TENM4: variants seen among roughly 807,000 people sequenced by gnomAD.
The protein encoded by TENM4 is teneurin transmembrane protein 4, also known as teneurin-4.
A neutral mutation model predicts 243.3 loss-of-function variants in TENM4; 82 were observed. The ratio of observed to expected loss-of-function variants is 0.34; its 90% CI spans 0.28 to 0.40. The LOEUF (loss-of-function observed/expected upper bound fraction) is 0.40. Ranked by LOEUF, TENM4 falls within the 10% of genes least tolerant of loss-of-function variation. The probability of loss-of-function intolerance (pLI) is 1.00; values close to 1 mark genes in which losing one functional copy is unlikely to be tolerated. For synonymous variants in TENM4, 1,412 were observed against 1,456.3 expected (o/e 0.97, Z 0.69); for missense variants, 3,138 against 3,673.3 (o/e 0.85, Z 3.77).
intron 2 of TENM4, among the ~76,000 whole-genome samples, chr11:79,230,087 G>T (rs564891757): frequency 6.7e-6 from 1 of 148,876 alleles, no homozygotes; most frequent in African/African-American, 2.5e-5. Flanking sequence ...GCATGTATCT[G>T]TTTCTTCAGG....
intron 1 of TENM4, among the ~76,000 whole-genome samples, chr11:79,430,828 T>C (rs982708903): frequency 2.0e-5 from 3 of 152,198 alleles, no homozygotes; most frequent in African/African-American, 7.2e-5. Context: ...CAGAATCACC[T>C]ACTACATGTA....
chr11:79,102,725 T>C (rs928167413), intron 4 of TENM4, among the ~76,000 whole-genome samples: 41 of 152,374 alleles, frequency 2.7e-4, no homozygotes, highest in African/African-American at 7.7e-4. Flanking sequence ...AAGGACTTTC[T>C]GTCACAATAC....
Position 78,669,053 on chromosome 11 carries a change from G to A in TENM4, c.7292C>T (p.Pro2431Leu), listed in dbSNP as rs768145085. Residue 2431 changes from proline to leucine, a missense_variant, in exon 32 of 34, where the codon CCA (proline) becomes CTA (leucine). Pro to Leu is a moderately conservative substitution (Grantham distance 98). Coordinates refer to ENST00000278550, the MANE Select transcript of TENM4 (RefSeq NM_001098816.3). This position sits in a 1 kb window ranked among gnomAD's most constrained non-coding sequence, Gnocchi z 6.4. ...AAGGTGCTTCCACAGCTCGTGGTCT[G>A]GGCTAGTCCAGCGTCCGGCCAGCAC... ...YDVLAGRWTS[P>L]DHELWKHLSS... 6.2e-7 allele frequency: 1 copy of A among 1,613,926 alleles called. No homozygotes were observed. Among genetic ancestry groups the A allele is most frequent in the Non-Finnish European group, 8.5e-7 (1 of 1,179,880 alleles).
intron 12 of TENM4, among the ~76,000 whole-genome samples, chr11:78,835,089 C>T (rs1858072146): frequency 6.6e-6 from 1 of 152,132 alleles, no homozygotes; most frequent in Admixed American, 6.5e-5. Flanking sequence ...TAAATCATTA[C>T]TCTTATTATA....
intron 12 of TENM4, among the ~76,000 whole-genome samples, chr11:78,833,118 G>A (rs546916030): frequency 2.7e-4 from 41 of 150,034 alleles, no homozygotes; most frequent in Non-Finnish European, 4.9e-4. Flanking sequence ...CTTGACCTCT[G>A]TAGCATTAAA....
At chr11:78,737,260 C>G (rs182167884) in intron 20 of TENM4, among the ~76,000 whole-genome samples, 1 of 152,300 alleles carries the variant, frequency 6.6e-6, no homozygotes, top group East Asian at 1.9e-4. Flanking sequence ...GAGGGCCTTC[C>G]TGGGTGGGAA....
rs375335067 is a variant in TENM4 at position 79,196,235 on chromosome 11, CT to C, written c.-163+19572del. 2.0e-3 allele frequency among the ~76,000 whole-genome samples: 309 copies of C among 152,228 alleles called. 1 individual carries two copies. The highest frequency in any genetic ancestry group is 7.1e-3 in the African/African-American group (294 of 41,538). ...TAATGCAAGAGGGCATCTCGCAAGC[CT>C]GGACTGAGGGGAGATAGCACCAACC... is the stretch of plus-strand genomic sequence containing the variant. On this transcript the variant is annotated intron_variant, in intron 3 of 33. Transcript: ENST00000278550.
At chr11:78,972,434 T>C (rs77747333) in intron 6 of TENM4, among the ~76,000 whole-genome samples, 355 of 152,262 alleles carry the variant, frequency 2.3e-3, no homozygotes, top group African/African-American at 8.3e-3. Flanking sequence ...ATTTGATCTC[T>C]AGCTTTCCTC....
At chr11:79,216,094 T>C (rs943563398) in intron 2 of TENM4, among the ~76,000 whole-genome samples, 185 bp from the exon 3 acceptor site, 1 of 152,210 alleles carries the variant, frequency 6.6e-6, no homozygotes, top group Non-Finnish European at 1.5e-5. Context: ...CCCACACAGA[T>C]GGTTCCTCTA....
chr11:79,193,620 C>G (rs1424068335), intron 3 of TENM4, among the ~76,000 whole-genome samples: 2 of 152,192 alleles, frequency 1.3e-5, no homozygotes, highest in East Asian at 1.9e-4. Flanking sequence ...ACATCTGATC[C>G]TACAAGTGTC....
chr11:78,905,300 T>C (rs1856037758), intron 6 of TENM4, among the ~76,000 whole-genome samples: 1 of 152,140 alleles, frequency 6.6e-6, no homozygotes, highest in Non-Finnish European at 1.5e-5. Context: ...ACCATTAGTG[T>C]TATGGATTTT....
chr11:79,437,978 A>T (rs544821786), intron 1 of TENM4, among the ~76,000 whole-genome samples: 1 of 152,310 alleles, frequency 6.6e-6, no homozygotes, highest in East Asian at 1.9e-4. Flanking sequence ...GGATCATGGC[A>T]GCGGCAGGAA....
intron 3 of TENM4, among the ~76,000 whole-genome samples, chr11:79,151,868 C>T (rs1204257862): frequency 6.6e-6 from 1 of 152,086 alleles, no homozygotes; most frequent in African/African-American, 2.4e-5. Flanking sequence ...GCTTTATCTC[C>T]ACCTCCTGTC....
chr11:79,295,191 T>G (rs768880281), intron 2 of TENM4, among the ~76,000 whole-genome samples: 4 of 152,170 alleles, frequency 2.6e-5, no homozygotes, highest in Non-Finnish European at 5.9e-5. Context: ...GTAGCAGGGC[T>G]TGATAAGCCT....
chr11:79,108,503 G>C (rs1205255117), intron 4 of TENM4, among the ~76,000 whole-genome samples: 1 of 152,024 alleles, frequency 6.6e-6, no homozygotes, highest in East Asian at 1.9e-4. Flanking sequence ...TACTGTGTGT[G>C]TGTGTATATA....
chr11:78,686,954 A>G (rs939182342), intron 29 of TENM4, among the ~76,000 whole-genome samples: 8 of 152,190 alleles, frequency 5.3e-5, no homozygotes, highest in Non-Finnish European at 1.0e-4. Flanking sequence ...ACTGCTTGCT[A>G]ATTAATTAAT....
At chr11:79,435,834 C>A (rs1859261117) in intron 1 of TENM4, among the ~76,000 whole-genome samples, 1 of 152,112 alleles carries the variant, frequency 6.6e-6, no homozygotes, top group Non-Finnish European at 1.5e-5. Context: ...ACCTTCTTTT[C>A]CCTTATTTGT....
At chr11:79,109,633 C>T (rs550465885) in intron 4 of TENM4, among the ~76,000 whole-genome samples, 2 of 152,356 alleles carry the variant, frequency 1.3e-5, no homozygotes, top group South Asian at 4.1e-4. Context: ...TATGTTCCTG[C>T]ATGTAAAATA....
intron 3 of TENM4, among the ~76,000 whole-genome samples, chr11:79,163,992 T>C (rs1862827594): frequency 1.8e-5 from 2 of 108,196 alleles, no homozygotes; most frequent in South Asian, 5.8e-4. Flanking sequence ...ATATAGTGTA[T>C]ATATAGTATA....
Sources: gnomAD v4.1 joint callset for allele counts (sites outside exome capture counted in the v4.1 genomes callset) on GRCh38, gnomAD v4.1.1 for gene constraint, Gnocchi (gnomAD v3.1) non-coding constraint, MANE v1.5 for transcripts, NCBI Gene and HGNC (gene_info 2026-07-23, HGNC 2026-07-21) for gene names.